Variants in OVCH1 observed in about 807,000 individuals in gnomAD.
OVCH1 encodes ovochymase-1.
Under a neutral mutation model 138.4 loss-of-function variants are expected in OVCH1, and 139 were observed. The ratio of observed to expected loss-of-function variants is 1.00; its 90% CI spans 0.87 to 1.16. The LOEUF is 1.16. Among genes scored for constraint, OVCH1 ranks in the 50% most tolerant of loss-of-function variants. The probability of loss-of-function intolerance (pLI) is 0.00; values close to 1 mark genes in which losing one functional copy is unlikely to be tolerated. For missense variants in OVCH1, 1,367 were observed against 1,357.9 expected (o/e 1.01, Z -0.11); for synonymous variants, 453 against 467.8 (o/e 0.97, Z 0.41).
At chr12:29,407,061 G>A in the OVCH1 span, among the ~76,000 whole-genome samples, 1 of 152,156 alleles carries the variant, frequency 6.6e-6, no homozygotes, top group African/African-American at 2.4e-5. Flanking sequence ...GGCCAGTGAT[G>A]ATGAGTATTT....
At chr12:29,413,532 ATTCT>A (rs1346044581) in intron 3 of OVCH1, among the ~76,000 whole-genome samples, 12 of 152,274 alleles carry the variant, frequency 7.9e-5, no homozygotes, top group Admixed American at 5.9e-4. Flanking sequence ...TTTTATATTT[ATTCT>A]TTCTTCCCAG....
intron 8 of OVCH1, chr12:29,478,960 A>G (rs544661772): frequency 9.6e-6 from 13 of 1,352,692 alleles, no homozygotes; most frequent in Non-Finnish European, 1.3e-5. Flanking sequence ...TATTTTCCAA[A>G]CATATAAGCT....
At chr12:29,450,598 T>C (rs1428613800) in intron 22 of OVCH1, among the ~76,000 whole-genome samples, 2 of 152,152 alleles carry the variant, frequency 1.3e-5, no homozygotes, top group Non-Finnish European at 2.9e-5. Flanking sequence ...CATTGTAGAA[T>C]ACAGTGTCGC....
downstream of OVCH1, among the ~76,000 whole-genome samples, chr12:29,409,125 G>A (rs1940920004): frequency 6.6e-6 from 1 of 152,158 alleles, no homozygotes; most frequent in Non-Finnish European, 1.5e-5. Flanking sequence ...TCTGATGGTA[G>A]TTTGTATTTC....
chr12:29,438,608 G>T (rs1020634230), intron 26 of OVCH1, among the ~76,000 whole-genome samples: 5 of 152,076 alleles, frequency 3.3e-5, no homozygotes, highest in South Asian at 2.1e-4. Flanking sequence ...ATGTATTTGT[G>T]TGCCACACAG....
intron 19 of OVCH1, among the ~76,000 whole-genome samples, chr12:29,457,966 A>G (rs926430095): frequency 1.5e-4 from 23 of 152,188 alleles, no homozygotes; most frequent in Non-Finnish European, 3.1e-4. Flanking sequence ...TTTATGCAAA[A>G]GATATATCTG....
chr12:29,495,246 C>T, intron 4 of OVCH1, 39 bp downstream of exon 4: 1 of 1,550,352 alleles, frequency 6.5e-7, no homozygotes, highest in Non-Finnish European at 8.8e-7. Context: ...AGCAGTTTTC[C>T]TCCACTGCAT....
intron 17 of OVCH1, 65 bp downstream of exon 17, chr12:29,465,082 G>T: frequency 6.7e-6 from 9 of 1,350,640 alleles, no homozygotes; most frequent in South Asian, 6.5e-5. Context: ...TTAGCTAAAG[G>T]TATTCCTTGG....
At chr12:29,473,596 A>T (rs767455651) in intron 14 of OVCH1, among the ~76,000 whole-genome samples, 18 of 152,120 alleles carry the variant, frequency 1.2e-4, no homozygotes, top group Middle Eastern at 6.3e-3. Flanking sequence ...TGATTTTAAG[A>T]GTCAATACAG....
chr12:29,412,551 G>A (rs1197141036), intron 4 of OVCH1: 1 of 152,168 alleles, frequency 6.6e-6, no homozygotes, highest in Non-Finnish European at 1.5e-5. Context: ...AAAACTGAAA[G>A]TGAACAAACA....
At chr12:29,464,829 C>CTTTTTTTTTTTTTTTTTTTT in intron 17 of OVCH1, 127 bp from the exon 18 acceptor site, 1 of 842,232 alleles carries the variant, frequency 1.2e-6, no homozygotes, top group Non-Finnish European at 1.8e-6. Context: ...AGAAGACTTT[C>CTTTTTTTTTTTTTTTTTTTT]TATTAAATTT....
intron 13 of OVCH1, 51 bp from the exon 14 acceptor site, chr12:29,475,240 A>T: frequency 7.6e-7 from 1 of 1,324,222 alleles, no homozygotes; most frequent in South Asian, 1.7e-5. Flanking sequence ...TTAAAAAATC[A>T]GAACACACAG....
chr12:29,477,137 A>G, exon 12 of OVCH1: 1 of 1,612,902 alleles, frequency 6.2e-7, no homozygotes, highest in South Asian at 1.1e-5. Context: ...CAAATGAACC[A>G]ATGACACCTT....
At chr12:29,449,672 G>C (rs1941724623) in intron 22 of OVCH1, among the ~76,000 whole-genome samples, 1 of 151,858 alleles carries the variant, frequency 6.6e-6, no homozygotes, top group Non-Finnish European at 1.5e-5. Flanking sequence ...TTGGTGTATA[G>C]AAATGCTTTT....
downstream of OVCH1, among the ~76,000 whole-genome samples, chr12:29,424,581 A>G (rs1941152401): frequency 6.6e-6 from 1 of 152,220 alleles, no homozygotes; most frequent in South Asian, 2.1e-4. Context: ...GTGAAGGGAC[A>G]TAGCTTAGTG....
In OVCH1 at chr12:29,457,967, G is replaced by C. The variant is rs543992264; in HGVS notation, c.2281-2562C>G. Among the ~76,000 whole-genome samples the C allele has an allele frequency of 2.0e-5, 3 of 152,286 alleles. No individual in the cohort carries two copies. The South Asian group carries it at 6.2e-4, about 32-fold the overall frequency. On this transcript the variant is annotated intron_variant, in intron 19 of 27. Transcript: ENST00000318184. The stretch of plus-strand genomic sequence containing the variant: ...TGGAGGAACAACATTTTATGCAAAA[G>C]ATATATCTGGGCTTAGGCTCTAAGG...
At chr12:29,431,574 T>G (rs1297839477) in intron 27 of OVCH1, among the ~76,000 whole-genome samples, 2 of 104,620 alleles carry the variant, frequency 1.9e-5, no homozygotes, top group African/African-American at 9.0e-5. Flanking sequence ...TTCCCCCTAT[T>G]TAATTTATTG....
chr12:29,495,596 G>T, intron 3 of OVCH1, 139 bp from the exon 4 acceptor site: 2 of 734,792 alleles, frequency 2.7e-6, no homozygotes. Flanking sequence ...TTATTATTGA[G>T]TATTACCAAT....
chr12:29,495,617 T>C (rs1244638255), intron 3 of OVCH1, among the ~76,000 whole-genome samples, 160 bp from the exon 4 acceptor site: 1 of 152,220 alleles, frequency 6.6e-6, no homozygotes, highest in Admixed American at 6.5e-5. Flanking sequence ...GGTCATATTT[T>C]TTTTAATCTA....
Sources: gnomAD v4.1 joint callset for allele counts (sites outside exome capture counted in the v4.1 genomes callset) on GRCh38, gnomAD v4.1.1 for gene constraint, MANE v1.5 for transcripts, NCBI Gene and HGNC (gene_info 2026-07-23, HGNC 2026-07-21) for gene names.